GALNT2: variants seen among roughly 807,000 people sequenced by gnomAD.
The protein encoded by GALNT2 is UDP-GalNAc:polypeptide N-acetylgalactosaminyltransferase 2.
GALNT2 carries 31 observed loss-of-function variants against 81.4 expected under a neutral mutation model. The observed-to-expected ratio is 0.38, with a 90% confidence interval of 0.29 to 0.51. The LOEUF is 0.51. Ranked by LOEUF, GALNT2 falls within the 20% of genes least tolerant of loss-of-function variation. The pLI is 0.87. For synonymous variants in GALNT2, 303 were observed against 287.4 expected, an observed-to-expected ratio of 1.05 and a Z score of -0.55; for missense variants, 629 against 765.7, an observed-to-expected ratio of 0.82 and a Z score of 2.11.
At chr1:230,134,309 A>G (rs1407947119) in intron 1 of GALNT2, among the ~76,000 whole-genome samples, 1 of 152,152 alleles carries the variant, frequency 6.6e-6, no homozygotes, top group Non-Finnish European at 1.5e-5. Flanking sequence ...GGGTTTCACC[A>G]CGTTAGCCAG....
chr1:230,137,508 G>A lies in GALNT2; in HGVS notation c.127-40710G>A, dbSNP rs1661588353. 2.0e-5 allele frequency among the ~76,000 whole-genome samples: 3 copies of A among 152,240 alleles called. No homozygotes were observed. The South Asian group carries it at 6.2e-4, about 32-fold the overall frequency. ...GGTGTTCTCAGCTGGGCAGCCAGCC[G>A]AGGCTGTCACAGTGACAAGGGAGGA... On this transcript the variant is annotated intron_variant, in intron 1 of 15. Coordinates refer to ENST00000366672, the MANE Select transcript of GALNT2 (RefSeq NM_004481.5).
rs1055446097 is a variant in GALNT2 at position 230,279,382 on chromosome 1, G to T, written c.1640G>T (p.Ser547Ile). 2 of 1,614,182 alleles carry T rather than the reference G, an allele frequency of 1.2e-6. No individual in the cohort carries two copies. Among genetic ancestry groups the T allele is most frequent in the Admixed American group, 1.7e-5 (1 of 60,018 alleles). The change falls in exon 16 of 16, where the codon AGC (serine) becomes ATC (isoleucine). Residue 547 changes from serine (S) to isoleucine (I), a missense_variant. By Grantham distance (142) the Ser-to-Ile change is moderately radical. Around this residue, in one of 3 missense-constraint regions of GALNT2, gnomAD observed 207 missense variants for 225.5 expected, o/e 0.92. Transcript: ENST00000366672. This position sits in a 1 kb window ranked among gnomAD's most constrained non-coding sequence, Gnocchi z 4.6. ...TGCCTGGACAGTCGCACGGCCAAGA[G>T]CGGGGGCCTAAGCGTGGAGGTGTGT... Reference protein sequence around the residue: ...NLCLDSRTAKSGGLSVEVCGP... With the variant: ...NLCLDSRTAKIGGLSVEVCGP...
At chr1:230,273,691 G>T (rs1189596328) in intron 14 of GALNT2, among the ~76,000 whole-genome samples, 2 of 152,040 alleles carry the variant, frequency 1.3e-5, no homozygotes, top group African/African-American at 4.8e-5. Flanking sequence ...ATATGTGTGT[G>T]TTTGTTTGTT....
At chr1:230,092,184 T>TGTTTTTTTTTTTTTG (rs1553311876) in intron 1 of GALNT2, among the ~76,000 whole-genome samples, 2 of 119,606 alleles carry the variant, frequency 1.7e-5, no homozygotes, top group African/African-American at 6.7e-5. Context: ...TAGTTTTTTT[T>TGTTTTTTTTTTTTTG]TTTTTTTTTT....
intron 1 of GALNT2, among the ~76,000 whole-genome samples, chr1:230,118,723 T>G (rs1298151657): frequency 6.6e-6 from 1 of 152,152 alleles, no homozygotes; most frequent in Non-Finnish European, 1.5e-5. Flanking sequence ...CCGCACTGTC[T>G]CGGTGGGAGC....
intron 14 of GALNT2, among the ~76,000 whole-genome samples, chr1:230,267,406 C>T (rs114684874): frequency 0.018 from 2,730 of 152,284 alleles, 50 homozygotes; most frequent in South Asian, 0.097. Context: ...CCTGTTATTC[C>T]GGCTGCCCTC....
Position 230,243,556 on chromosome 1 carries a change from C to A in GALNT2, c.729+129C>A. On this transcript the variant is annotated intron_variant, in intron 7 of 15. Transcript: ENST00000366672. This position sits in a 1 kb window ranked among gnomAD's most constrained non-coding sequence, Gnocchi z 4.2. ...CAGGGCTGGTAGGGGCTGAGCTCGC[C>A]GTCTGCAGTTTTCCTTGATAGAAGG... 1 of 1,188,946 alleles carries A rather than the reference C, an allele frequency of 8.4e-7. No individual in the cohort carries two copies. The allele number at this position is 1,188,946 out of a possible 1,614,324, so 73.6% of individuals were successfully genotyped here.
chr1:230,246,258 G>T, intron 8 of GALNT2, 108 bp downstream of exon 8: 1 of 869,628 alleles, frequency 1.1e-6, no homozygotes, highest in Non-Finnish European at 1.9e-6. Flanking sequence ...TGTTCACGCC[G>T]TAGTGTGTGT....
intron 1 of GALNT2, among the ~76,000 whole-genome samples, chr1:230,102,528 T>G (rs183963662): frequency 6.6e-6 from 1 of 152,254 alleles, no homozygotes; most frequent in Admixed American, 6.5e-5. Context: ...TGGGCTTCTG[T>G]AGGGGAACGT....
chr1:230,222,308 A>C (rs996355184), intron 3 of GALNT2, among the ~76,000 whole-genome samples: 2 of 151,766 alleles, frequency 1.3e-5, no homozygotes, highest in Admixed American at 6.6e-5. Context: ...TAATGCATTC[A>C]TGTCTGCCTG....
At chr1:230,197,435 G>T (rs1462121724) in intron 2 of GALNT2, among the ~76,000 whole-genome samples, 2 of 152,182 alleles carry the variant, frequency 1.3e-5, no homozygotes, top group Admixed American at 6.5e-5. Flanking sequence ...CGCCCCCCCG[G>T]GGTCAGTTGC....
intron 3 of GALNT2, among the ~76,000 whole-genome samples, chr1:230,232,373 C>T (rs572551017): frequency 2.0e-5 from 3 of 152,132 alleles, no homozygotes; most frequent in South Asian, 2.1e-4. Context: ...AGCAGCTCTG[C>T]GTGTTCTGAA....
chr1:230,067,215 C>G (rs1312210154), upstream of GALNT2: 1 of 1,059,728 alleles, frequency 9.4e-7, no homozygotes, highest in Admixed American at 4.7e-5. Context: ...GCCCCCACCG[C>G]GCCCGCGGCC....
chr1:230,279,803 T>A lies in GALNT2; in HGVS notation c.*345T>A, dbSNP rs1254304234. Reference sequence around the variant, plus strand: ...TGGTAGAAGCAACTGAACGGATGCGTGCGAGCTGAGGACAGGGCGGGAGGA... The same window carrying A: ...TGGTAGAAGCAACTGAACGGATGCGAGCGAGCTGAGGACAGGGCGGGAGGA... On this transcript the variant is annotated 3_prime_UTR_variant, in exon 16 of 16. Coordinates refer to ENST00000366672, the MANE Select transcript of GALNT2 (RefSeq NM_004481.5). This position sits in a 1 kb window ranked among gnomAD's most constrained non-coding sequence, Gnocchi z 4.6. The A allele has an allele frequency of 4.1e-6, 2 of 493,048 alleles. No homozygotes were observed. Among genetic ancestry groups the A allele is most frequent in the African/African-American group, 3.9e-5 (2 of 51,650 alleles). 30.5% of individuals were successfully genotyped at this position (493,048 alleles called of 1,614,324 possible). A position where few individuals can be genotyped will look rare whatever the true frequency, so the allele number is the denominator to read the frequency against.
intron 14 of GALNT2, among the ~76,000 whole-genome samples, chr1:230,269,242 G>A (rs1666110980): frequency 6.9e-6 from 1 of 144,254 alleles, no homozygotes; most frequent in Non-Finnish European, 1.5e-5. Flanking sequence ...CTGGAGTGCA[G>A]TGGTGCAATC....
At chr1:230,214,216 G>C (rs1664318805) in intron 3 of GALNT2, among the ~76,000 whole-genome samples, 1 of 151,780 alleles carries the variant, frequency 6.6e-6, no homozygotes, top group Non-Finnish European at 1.5e-5. Context: ...CAGTTCAAGT[G>C]ATTCTCCTGC....
intron 6 of GALNT2, among the ~76,000 whole-genome samples, chr1:230,240,310 C>T (rs1665159591): frequency 6.6e-6 from 1 of 152,110 alleles, no homozygotes; most frequent in African/African-American, 2.4e-5. Flanking sequence ...GGTTTCACTC[C>T]AGGCAGGGCA....
upstream of GALNT2, among the ~76,000 whole-genome samples, chr1:230,063,463 G>A (rs1453818690): frequency 5.9e-5 from 9 of 152,072 alleles, no homozygotes; most frequent in Non-Finnish European, 1.0e-4. Context: ...GTTCTCATGA[G>A]GTACATTTTG....
chr1:230,110,265 T>C (rs1222154698), intron 1 of GALNT2, among the ~76,000 whole-genome samples: 1 of 152,246 alleles, frequency 6.6e-6, no homozygotes, highest in Non-Finnish European at 1.5e-5. Flanking sequence ...TTTTCCTGTG[T>C]GTCAGGGACA....
Sources: gnomAD v4.1 joint callset for allele counts (sites outside exome capture counted in the v4.1 genomes callset) on GRCh38, gnomAD v4.1.1 for gene constraint, gnomAD v4.1.1 regional missense constraint, Gnocchi (gnomAD v3.1) non-coding constraint, MANE v1.5 for transcripts, NCBI Gene and HGNC (gene_info 2026-07-23, HGNC 2026-07-21) for gene names.